The following DMD variants were observed in gnomAD, a reference collection of about 807,000 sequenced individuals.
The protein encoded by DMD is mutant dystrophin.
DMD carries 63 observed loss-of-function variants against 330.1 expected under a neutral mutation model. The observed-to-expected ratio is 0.19, with a 90% CI of 0.16 to 0.24. The LOEUF (loss-of-function observed/expected upper bound fraction) is 0.24. DMD is among the 10% of genes least tolerant of loss of function. The pLI, the probability that DMD is intolerant of heterozygous loss-of-function variation, is 1.00. For missense variants in DMD, 3,344 were observed against 2,684.1 expected (o/e 1.25, Z -5.43); for synonymous variants, 1,223 against 959.8 (o/e 1.27, Z -5.07).
At chrX:33,206,507 CA>C (rs1278366712) in intron 1 of DMD, among the ~76,000 whole-genome samples, 1 of 111,254 alleles carries the variant, frequency 9.0e-6, no homozygotes, top group Non-Finnish European at 1.9e-5. Context: ...AGGGAGAAGG[CA>C]AAAGATCACA....
intron 7 of DMD, among the ~76,000 whole-genome samples, chrX:32,804,193 C>T (rs754510526): frequency 1.2e-4 from 13 of 111,618 alleles, no homozygotes; most frequent in Non-Finnish European, 1.9e-4. Flanking sequence ...GCAGATCCAA[C>T]GCCCACGGAG....
chrX:32,441,489 A>G (rs2098281352), intron 27 of DMD, among the ~76,000 whole-genome samples, 175 bp from the exon 28 acceptor site: 1 of 111,880 alleles, frequency 8.9e-6, no homozygotes, highest in South Asian at 3.6e-4. Flanking sequence ...TACCTCTACA[A>G]TCAAAAGTCA....
In DMD at chrX:31,219,833, TAC is replaced by T. The variant is rs58717973; in HGVS notation, c.9361+3212_9361+3213del. Among the ~76,000 whole-genome samples, 39 of 100,337 alleles carry T rather than the reference TAC, an allele frequency of 3.9e-4. No homozygotes were observed. The South Asian group carries it at 0.013, about 33-fold the overall frequency. 87.1% of individuals were successfully genotyped at this position (100,337 alleles called of 115,157 possible). On this transcript the variant is annotated intron_variant, in intron 64 of 78. Coordinates refer to ENST00000357033, the MANE Select transcript of DMD (RefSeq NM_004006.3). The stretch of plus-strand genomic sequence containing the variant: ...CCCATGTTGTTCAAGGATCAATGTA[TAC>T]ACACACACACACACACACACACTTA...
At position 32,188,831 on chromosome X, in the gene DMD, A is replaced by G. The variant is rs755433116; in HGVS notation, c.6438+28085T>C. On this transcript the variant is annotated intron_variant, in intron 44 of 78. Transcript: ENST00000357033. ...TATTGCCCCCAAACACATCAAAAGC[A>G]TTCTGATTATAACTGTATTAAATTC... Among the ~76,000 whole-genome samples the G allele has an allele frequency of 4.6e-4, 51 of 111,051 alleles. No homozygotes were observed. In the Middle Eastern group the frequency reaches 0.014, roughly 30 times the overall value.
chrX:31,451,098 GT>G (rs112471415), intron 59 of DMD, among the ~76,000 whole-genome samples: 1,328 of 72,846 alleles, frequency 0.018, 13 homozygotes, highest in African/African-American at 0.039. Flanking sequence ...CTTATATTTT[GT>G]TTTTTTTTTT....
chrX:31,625,748 T>C (rs1190991735), intron 55 of DMD, among the ~76,000 whole-genome samples: 1 of 111,786 alleles, frequency 8.9e-6, no homozygotes, highest in Non-Finnish European at 1.9e-5. Flanking sequence ...ATTTTCATTA[T>C]ATAATACAGC....
chrX:32,981,403 T>A (rs2092704735), intron 2 of DMD, among the ~76,000 whole-genome samples: 1 of 111,503 alleles, frequency 9.0e-6, no homozygotes, highest in Non-Finnish European at 1.9e-5. Flanking sequence ...AATTTCAATT[T>A]TATGCGGTTC....
At chrX:31,326,207 C>T (rs1601882085) in intron 61 of DMD, among the ~76,000 whole-genome samples, 1 of 110,283 alleles carries the variant, frequency 9.1e-6, no homozygotes. Context: ...GGAAGACCTA[C>T]GTAGGGTATC....
chrX:33,108,393 G>A (rs1247382493), intron 1 of DMD, among the ~76,000 whole-genome samples: 2 of 109,926 alleles, frequency 1.8e-5, no homozygotes, highest in Non-Finnish European at 3.8e-5. Context: ...CAGCACCCCC[G>A]AGTAGCTGGG....
In DMD at chrX:32,671,011, C is replaced by G. The variant is rs1216260658; in HGVS notation, c.961-25859G>C. 1.8e-5 allele frequency among the ~76,000 whole-genome samples: 2 copies of G among 109,676 alleles called. 1 individual carries two copies. The highest frequency in any genetic ancestry group is 3.8e-5 in the Non-Finnish European group (2 of 52,510). On this transcript the variant is annotated intron_variant, in intron 9 of 78. Coordinates refer to ENST00000357033, the MANE Select transcript of DMD (RefSeq NM_004006.3). ...TTTGCTTAGGTTTTGATGACCTAAC[C>G]CAAAGCATCGCAAAGATCCACCAAT... is the stretch of plus-strand genomic sequence containing the variant.
At chrX:33,169,115 C>T (rs2049209179) in intron 1 of DMD, among the ~76,000 whole-genome samples, 2 of 109,609 alleles carry the variant, frequency 1.8e-5, no homozygotes, top group South Asian at 7.6e-4. Flanking sequence ...CTTTTATTAC[C>T]CAATGAACAG....
At chrX:32,660,297 T>C (rs755698094) in intron 9 of DMD, among the ~76,000 whole-genome samples, 2 of 110,655 alleles carry the variant, frequency 1.8e-5, no homozygotes, top group Non-Finnish European at 3.8e-5. Flanking sequence ...CACTTCTGAT[T>C]TGGTGAAGAT....
At chrX:32,582,973 T>C (rs985668176) in intron 13 of DMD, among the ~76,000 whole-genome samples, 1 of 111,645 alleles carries the variant, frequency 9.0e-6, no homozygotes, top group Non-Finnish European at 1.9e-5. Context: ...CTAACTTCAT[T>C]AAGTGCCAAT....
intron 2 of DMD, among the ~76,000 whole-genome samples, chrX:32,908,572 T>C (rs964836832): frequency 3.6e-5 from 4 of 112,009 alleles, no homozygotes; most frequent in African/African-American, 1.3e-4. Context: ...TTAAGTTCTT[T>C]CTTTCTTCTC....
intron 34 of DMD, among the ~76,000 whole-genome samples, chrX:32,377,589 G>A (rs530620262): frequency 1.8e-5 from 2 of 111,704 alleles, no homozygotes; most frequent in Admixed American, 9.5e-5. Context: ...ATAGGGCCAA[G>A]TATAGAAATG....
At chrX:31,750,373 T>A (rs2088414448) in intron 51 of DMD, among the ~76,000 whole-genome samples, 1 of 108,212 alleles carries the variant, frequency 9.2e-6, no homozygotes. Context: ...GGCTAGCCAG[T>A]TTTCCCAGCA....
intron 55 of DMD, among the ~76,000 whole-genome samples, chrX:31,542,741 T>G (rs745800025): frequency 8.9e-6 from 1 of 112,312 alleles, no homozygotes; most frequent in Admixed American, 9.4e-5. Flanking sequence ...AGTCACATCT[T>G]GAAAACATAT....
At chrX:31,847,502 C>T (rs1265542184) in intron 48 of DMD, among the ~76,000 whole-genome samples, 3 of 111,772 alleles carry the variant, frequency 2.7e-5, no homozygotes, top group Admixed American at 9.5e-5. Flanking sequence ...GAAGGGTCAA[C>T]TGTAGTAAAT....
At chrX:32,307,463 C>T (rs1189662626) in intron 42 of DMD, among the ~76,000 whole-genome samples, 1 of 111,772 alleles carries the variant, frequency 8.9e-6, no homozygotes, top group Non-Finnish European at 1.9e-5. Flanking sequence ...AGCCCTAAGG[C>T]AAACAGTCAG....
Sources: allele counts gnomAD v4.1 joint callset (sites outside exome capture counted in the v4.1 genomes callset), GRCh38; gene constraint gnomAD v4.1.1; transcripts MANE v1.5; gene names NCBI Gene and HGNC (gene_info 2026-07-23, HGNC 2026-07-21).